Variants in BTBD19 observed in about 807,000 individuals in gnomAD.
BTBD19 encodes the protein BTB domain containing 19, also known as BTB/POZ domain-containing protein 19.
BTBD19 carries 20 observed loss-of-function variants against 36.1 expected under a neutral mutation model. The ratio of observed to expected loss-of-function variants is 0.55; its 90% confidence interval spans 0.39 to 0.80. The LOEUF is 0.80. Among genes scored for constraint, BTBD19 ranks in the 30% least tolerant of loss-of-function variants. The pLI, the probability that BTBD19 is intolerant of heterozygous loss-of-function variation, is 0.00. For synonymous variants in BTBD19, 157 were observed against 174.3 expected (o/e 0.90, Z 0.78); for missense variants, 325 against 389.8 (o/e 0.83, Z 1.40).
In BTBD19 at chr1:44,813,058, C is replaced by CA. The variant is rs1324267336; in HGVS notation, c.478dup (p.Ser160LysfsTer33). ...GCTGCGTGGCTTTCATAGAGGCCCACAGCCAGGTACTGCTCCCTTCATACT... is the reference window on the plus strand; with the variant it reads ...GCTGCGTGGCTTTCATAGAGGCCCACAAGCCAGGTACTGCTCCCTTCATACT... On this transcript the variant is annotated frameshift_variant, in exon 5 of 8. Transcript: ENST00000450269. LOFTEE classifies it high-confidence loss of function. This position sits in a 1 kb window ranked among gnomAD's most constrained non-coding sequence, Gnocchi z 7.8. 1.3e-6 allele frequency: 2 copies of CA among 1,551,250 alleles called. No homozygotes were observed. The highest frequency in any genetic ancestry group is 2.7e-5 in the African/African-American group (2 of 73,036).
rs578230539 is a variant in BTBD19, at chr1:44,809,631, C to T, written c.87-582C>T. 2.6e-5 allele frequency among the ~76,000 whole-genome samples: 4 copies of T among 152,356 alleles called. No individual in the cohort carries two copies. In the South Asian group the frequency reaches 8.3e-4, roughly 32 times the overall value. On this transcript the variant is annotated intron_variant, in intron 1 of 7. Coordinates refer to ENST00000450269, the Ensembl canonical transcript of BTBD19. ...AGGAGGCTCCAGCCTCATCTGCCTC[C>T]TATCCCCTGCCTTGTTCAGAGGCCC...
chr1:44,814,224 C>T (rs865871567), downstream of BTBD19: 3,578 of 116,664 alleles, frequency 0.031, 91 homozygotes, highest in African/African-American at 0.055. Context: ...TTCTTTCTTT[C>T]TCTTTCCTTC....
At position 44,813,732 on chromosome 1, in the gene BTBD19, C is replaced by T. The variant is rs368383881; in HGVS notation, c.836C>T (p.Pro279Leu). The T allele has an allele frequency of 5.8e-6, 9 of 1,551,434 alleles. No individual in the cohort carries two copies. In the African/African-American group the frequency reaches 1.2e-4, roughly 21 times the overall value. Residue 279 changes from proline to leucine, a missense_variant, in exon 8 of 8, where the codon CCC (proline) becomes CTC (leucine). Transcript: ENST00000450269. This position sits in a 1 kb window ranked among gnomAD's most constrained non-coding sequence, Gnocchi z 7.8. ...TGTCGCCGCCGGAGAGGCACCCTGC[C>T]CCGGGAGCATCACCGCTTTCTGGAC...
At chr1:44,808,532 T>TTCGCCG (rs756558801) in exon 1 of BTBD19, 6 of 296,734 alleles carry the variant, frequency 2.0e-5, no homozygotes, top group Admixed American at 1.0e-4. Context: ...CAGGGCCTCT[T>TTCGCCG]TCGCCGCCGC....
At chr1:44,814,186 C>CTT (rs1263368228), downstream of BTBD19, 20 of 143,796 alleles carry the variant, frequency 1.4e-4, no homozygotes, top group East Asian at 2.4e-3. Flanking sequence ...TTCTTTCTTT[C>CTT]TTTCTTTCTT....
exon 4 of BTBD19, chr1:44,812,069 G>A: frequency 2.3e-6 from 3 of 1,305,394 alleles, no homozygotes; most frequent in Non-Finnish European, 3.0e-6. Context: ...GAAGGTGCTG[G>A]ATGTGGACTT....
In BTBD19 at chr1:44,813,716, C is replaced by T. The variant is rs1652548247; in HGVS notation, c.820C>T (p.Arg274Trp). 1.9e-6 allele frequency: 3 copies of T among 1,551,524 alleles called. No homozygotes were observed. Among genetic ancestry groups the T allele is most frequent in the Middle Eastern group, 1.7e-4 (1 of 5,992 alleles). ...GGCCCGGGGCGCCCCGTGTCGCCGC[C>T]GGAGAGGCACCCTGCCCCGGGAGCA... Residue 274 changes from arginine to tryptophan, a missense_variant, in exon 8 of 8, where the codon CGG (arginine) becomes TGG (tryptophan). Physicochemically the swap from Arg to Trp is moderately radical, Grantham distance 101 (BLOSUM62 -3). Transcript: ENST00000450269. The surrounding 1 kb of genome is among the most constrained non-coding windows in gnomAD (Gnocchi z 7.8).
chr1:44,811,950 G>C (rs570240060), intron 3 of BTBD19, 89 bp from the exon 4 acceptor site: 1 of 1,087,186 alleles, frequency 9.2e-7, no homozygotes, highest in African/African-American at 1.6e-5. Flanking sequence ...GTGACTCACC[G>C]CTCCAAGCCT....
At chr1:44,809,057 G>A (rs1342956832) in intron 1 of BTBD19, among the ~76,000 whole-genome samples, 151 bp downstream of exon 1, 1 of 152,168 alleles carries the variant, frequency 6.6e-6, no homozygotes, top group Non-Finnish European at 1.5e-5. Flanking sequence ...TGTGGAACAT[G>A]GCTACTGGTC....
chr1:44,808,878 C>G, exon 1 of BTBD19: 1 of 1,550,248 alleles, frequency 6.5e-7, no homozygotes, highest in Non-Finnish European at 8.7e-7. Context: ...CGCAGCACTC[C>G]GAAGCCTTGT....
Position 44,813,068 on chromosome 1 carries a change from C to T in BTBD19, c.483+4C>T, listed in dbSNP as rs1194282872. The T allele has an allele frequency of 6.4e-7, 1 of 1,550,882 alleles. No homozygotes were observed. Among genetic ancestry groups the T allele is most frequent in the Non-Finnish European group, 8.7e-7 (1 of 1,146,384 alleles). ...TTTCATAGAGGCCCACAGCCAGGTA[C>T]TGCTCCCTTCATACTCCTCACCCTA... On this transcript the variant is annotated splice_donor_region_variant and intron_variant, in intron 5 of 7. Transcript: ENST00000450269. This position sits in a 1 kb window ranked among gnomAD's most constrained non-coding sequence, Gnocchi z 7.8.
intron 1 of BTBD19, among the ~76,000 whole-genome samples, chr1:44,809,736 C>T (rs1013298703): frequency 1.3e-5 from 2 of 152,172 alleles, no homozygotes; most frequent in South Asian, 2.1e-4. Flanking sequence ...TGTCTGTTTG[C>T]AGTCGTTGTG....
downstream of BTBD19, chr1:44,815,280 T>A (rs564443098): frequency 6.6e-6 from 1 of 152,342 alleles, no homozygotes; most frequent in African/African-American, 2.4e-5. Flanking sequence ...AAATTCAATC[T>A]ATTTCACTTT....
Position 44,808,539 on chromosome 1 carries a change from C to T in BTBD19, c.-282C>T, listed in dbSNP as rs539980539. ...CTCCCAGCCAGGGCCTCTTTCGCCG[C>T]CGCCGCCGCCGCCAGCCAGCCAGCT... On this transcript the variant is annotated 5_prime_UTR_variant, in exon 1 of 8. Coordinates refer to ENST00000450269, the Ensembl canonical transcript of BTBD19. 28 of 306,752 alleles carry T rather than the reference C, an allele frequency of 9.1e-5. No homozygotes were observed. In the South Asian group the frequency reaches 2.3e-3, roughly 25 times the overall value. The allele number at this position is 306,752 out of a possible 1,614,324, so 19.0% of individuals were successfully genotyped here. A position where few individuals can be genotyped will look rare whatever the true frequency, so the allele number is the denominator to read the frequency against.
downstream of BTBD19, chr1:44,814,846 GC>G (rs1652642960): frequency 6.6e-6 from 1 of 152,230 alleles, no homozygotes. Flanking sequence ...GCGCCACCAT[GC>G]CCGGCCTCAG....
chr1:44,809,826 G>C (rs906815479), intron 1 of BTBD19, among the ~76,000 whole-genome samples: 6 of 152,222 alleles, frequency 3.9e-5, no homozygotes, highest in Admixed American at 3.9e-4. Flanking sequence ...GGTGGAGGAG[G>C]AGCCAAAAGA....
Position 44,810,282 on chromosome 1 carries a change from A to G in BTBD19, c.156A>G (p.Arg52=). 2.6e-6 allele frequency: 4 copies of G among 1,551,886 alleles called. No homozygotes were observed. The highest frequency in any genetic ancestry group is 3.5e-6 in the Non-Finnish European group (4 of 1,147,016). ...CCCATCGGTGCTTGTTGGCCTGTAGATGCAACTTCTTCCAGCGACTTCTGG... is the reference window on the plus strand; with the variant it reads ...CCCATCGGTGCTTGTTGGCCTGTAGGTGCAACTTCTTCCAGCGACTTCTGG... Residue 52 remains arginine (R), a synonymous_variant, in exon 2 of 8, where the codon AGA becomes AGG. Transcript: ENST00000450269. The surrounding 1 kb of genome is among the most constrained non-coding windows in gnomAD (Gnocchi z 4.2).
intron 4 of BTBD19, chr1:44,812,464 T>G (rs1652461162): frequency 2.2e-6 from 1 of 454,544 alleles, no homozygotes; most frequent in South Asian, 1.6e-5. Context: ...TCAGCACTTT[T>G]GGAGGCCGAG....
Position 44,810,023 on chromosome 1 carries a change from A to G in BTBD19, c.87-190A>G, listed in dbSNP as rs139673511. Among the ~76,000 whole-genome samples the G allele has an allele frequency of 2.6e-3, 399 of 152,318 alleles. 10 individuals are homozygous for G. The East Asian group carries it at 0.053, about 20-fold the overall frequency. On this transcript the variant is annotated intron_variant, in intron 1 of 7. Coordinates refer to ENST00000450269, the Ensembl canonical transcript of BTBD19. The surrounding 1 kb of genome is among the most constrained non-coding windows in gnomAD (Gnocchi z 4.2). ...TTCAAAGATAGGAAGTCACTTGCCT[A>G]TGGTACCCATTAGGTGGAGCTGGGA...
Sources: gnomAD v4.1 joint callset for allele counts (sites outside exome capture counted in the v4.1 genomes callset) on GRCh38, gnomAD v4.1.1 for gene constraint, Gnocchi (gnomAD v3.1) non-coding constraint, MANE v1.5 for transcripts, NCBI Gene and HGNC (gene_info 2026-07-23, HGNC 2026-07-21) for gene names.